Variants in TUSC3 observed in about 807,000 individuals in gnomAD.
TUSC3 encodes tumor suppressor candidate 3.
A neutral mutation model predicts 44.8 loss-of-function variants in TUSC3; 45 were observed. The ratio of observed to expected loss-of-function variants is 1.00; its 90% CI spans 0.79 to 1.29. The LOEUF is 1.29. Ranked by LOEUF, TUSC3 falls within the 50% of genes most tolerant of loss-of-function variation. TUSC3 has a pLI of 0.00. For missense variants in TUSC3, 519 were observed against 437.9 expected (o/e 1.19, Z -1.65); for synonymous variants, 212 against 152.9 (o/e 1.39, Z -2.85).
the TUSC3 span, among the ~76,000 whole-genome samples, chr8:15,833,089 C>T: frequency 1.2e-4 from 18 of 152,036 alleles, no homozygotes; most frequent in Non-Finnish European, 2.2e-4. Context: ...ATACATGTGA[C>T]CAACAAGCAT....
chr8:15,557,711 G>A (rs1437638785), intron 1 of TUSC3, among the ~76,000 whole-genome samples: 1 of 134,304 alleles, frequency 7.4e-6, no homozygotes, highest in African/African-American at 2.7e-5. Context: ...CCTTGAAGAG[G>A]TCCTTCACAT....
chr8:15,572,627 T>C (rs369237224), intron 1 of TUSC3, among the ~76,000 whole-genome samples: 2 of 152,194 alleles, frequency 1.3e-5, no homozygotes, highest in African/African-American at 2.4e-5. Flanking sequence ...GCTTTCCACA[T>C]GCCTTCCTCA....
chr8:15,680,302 C>A (rs1016131426), intron 6 of TUSC3, among the ~76,000 whole-genome samples: 1 of 151,792 alleles, frequency 6.6e-6, no homozygotes, highest in East Asian at 1.9e-4. Flanking sequence ...TCTTTCACCT[C>A]TTTGGTTACA....
the TUSC3 span, among the ~76,000 whole-genome samples, chr8:15,774,167 G>A: frequency 1.4e-3 from 212 of 152,104 alleles, 3 homozygotes; most frequent in Admixed American, 0.014. Context: ...AATATATAAC[G>A]AATTCTTACA....
At chr8:15,480,648 A>T (rs1800645888) in intron 1 of TUSC3, among the ~76,000 whole-genome samples, 1 of 152,168 alleles carries the variant, frequency 6.6e-6, no homozygotes, top group Admixed American at 6.5e-5. Context: ...TGGCTTGCAG[A>T]TGGCTGCCTC....
chr8:15,687,016 T>G (rs1181645767), intron 6 of TUSC3, among the ~76,000 whole-genome samples: 2 of 151,968 alleles, frequency 1.3e-5, no homozygotes, highest in African/African-American at 2.4e-5. Flanking sequence ...GAGCTTGCAG[T>G]GAGCCGAGAT....
At chr8:15,481,929 C>T (rs549579882) in intron 1 of TUSC3, among the ~76,000 whole-genome samples, 1 of 152,126 alleles carries the variant, frequency 6.6e-6, no homozygotes, top group African/African-American at 2.4e-5. Context: ...TCATGAAAGA[C>T]TTCTCCACAG....
At chr8:15,749,128 A>AG (rs747544902) in intron 9 of TUSC3, among the ~76,000 whole-genome samples, 82 of 62,766 alleles carry the variant, frequency 1.3e-3, no homozygotes, top group African/African-American at 3.4e-3. Flanking sequence ...TAAATAACTT[A>AG]ACATTTTTTT....
chr8:15,654,751 C>T (rs146698609), intron 3 of TUSC3, among the ~76,000 whole-genome samples: 33 of 152,038 alleles, frequency 2.2e-4, no homozygotes, highest in African/African-American at 5.5e-4. Flanking sequence ...GAGCCGAGAT[C>T]GTGCCATTGC....
chr8:15,594,735 A>G (rs1044039360), intron 1 of TUSC3, among the ~76,000 whole-genome samples: 2 of 152,136 alleles, frequency 1.3e-5, no homozygotes, highest in South Asian at 2.1e-4. Flanking sequence ...TACTACTCTT[A>G]TGAATCAGGT....
chr8:15,684,232 G>A (rs997265722), intron 6 of TUSC3, among the ~76,000 whole-genome samples: 2 of 152,076 alleles, frequency 1.3e-5, no homozygotes. Context: ...GCTCTAATGG[G>A]CTGTGCTTCT....
chr8:15,806,727 G>T, the TUSC3 span: 2 of 812,298 alleles, frequency 2.5e-6, no homozygotes, highest in Non-Finnish European at 4.2e-6. Flanking sequence ...GATACAGCCA[G>T]AGAGGCTTTC....
intron 2 of TUSC3, among the ~76,000 whole-genome samples, chr8:15,513,554 C>T (rs1801171477): frequency 6.6e-6 from 1 of 152,194 alleles, no homozygotes; most frequent in Non-Finnish European, 1.5e-5. Context: ...AACTTAGGTC[C>T]TTTTTAGACT....
intron 10 of TUSC3, among the ~76,000 whole-genome samples, chr8:15,759,279 A>C (rs1812070310): frequency 6.6e-6 from 1 of 152,050 alleles, no homozygotes; most frequent in Non-Finnish European, 1.5e-5. Context: ...GATGTGAGAC[A>C]GGTGACATTA....
intron 1 of TUSC3, among the ~76,000 whole-genome samples, chr8:15,418,335 C>T (rs1031706558): frequency 6.6e-6 from 1 of 152,088 alleles, no homozygotes; most frequent in African/African-American, 2.4e-5. Context: ...TATATGTTTT[C>T]CCAACATAGA....
intron 6 of TUSC3, among the ~76,000 whole-genome samples, chr8:15,690,939 G>T (rs534160733): frequency 3.5e-5 from 5 of 141,270 alleles, no homozygotes; most frequent in African/African-American, 7.5e-5. Flanking sequence ...AATGCCAAAT[G>T]CCTCCAGCTT....
At chr8:15,444,569 TG>T (rs1474748928) in intron 1 of TUSC3, among the ~76,000 whole-genome samples, 2 of 152,092 alleles carry the variant, frequency 1.3e-5, no homozygotes, top group Non-Finnish European at 2.9e-5. Context: ...TGGGGAATTA[TG>T]GCTAAATTGA....
chr8:15,662,949 T>A (rs374816238), intron 5 of TUSC3, among the ~76,000 whole-genome samples: 1 of 151,902 alleles, frequency 6.6e-6, no homozygotes, highest in East Asian at 1.9e-4. Context: ...AGGCCAAGTA[T>A]TCAACATAAG....
At chr8:15,729,754 A>G (rs112661298) in intron 6 of TUSC3, among the ~76,000 whole-genome samples, 3 of 152,048 alleles carry the variant, frequency 2.0e-5, no homozygotes, top group Admixed American at 6.6e-5. Flanking sequence ...ACTACCTATC[A>G]GGTACTTTAC....
Sources: gnomAD v4.1 joint callset for allele counts (sites outside exome capture counted in the v4.1 genomes callset) on GRCh38, gnomAD v4.1.1 for gene constraint, MANE v1.5 for transcripts, NCBI Gene and HGNC (gene_info 2026-07-23, HGNC 2026-07-21) for gene names.